The following PRKCZ variants were observed in gnomAD, a reference collection of about 807,000 sequenced individuals.
The protein encoded by PRKCZ is protein kinase C zeta.
PRKCZ carries 33 observed loss-of-function variants against 79.5 expected under a neutral mutation model. The observed-to-expected ratio is 0.41, with a 90% CI of 0.31 to 0.55. PRKCZ has a LOEUF of 0.55. Among genes scored for constraint, PRKCZ ranks in the 20% least tolerant of loss-of-function variants. The probability of loss-of-function intolerance (pLI) is 0.19; values close to 1 mark genes in which losing one functional copy is unlikely to be tolerated. For synonymous variants in PRKCZ, 342 were observed against 320.9 expected (o/e 1.07, Z -0.70); for missense variants, 578 against 813.5 (o/e 0.71, Z 3.52).
At chr1:2,176,422 G>A (rs146920717) in intron 16 of PRKCZ, among the ~76,000 whole-genome samples, 106 of 152,262 alleles carry the variant, frequency 7.0e-4, no homozygotes, top group African/African-American at 2.4e-3. Flanking sequence ...TGTGGGAAGC[G>A]CAGTCTCCAC....
At chr1:2,062,527 T>C (rs1660782564) in intron 4 of PRKCZ, among the ~76,000 whole-genome samples, 1 of 151,550 alleles carries the variant, frequency 6.6e-6, no homozygotes, top group Non-Finnish European at 1.5e-5. Context: ...AGTTTTGTTC[T>C]GTCACCCAGG....
intron 15 of PRKCZ, 98 bp from the exon 16 acceptor site, chr1:2,175,126 G>A (rs1275142824): frequency 9.6e-7 from 1 of 1,037,706 alleles, no homozygotes. Flanking sequence ...GAGCATCGGG[G>A]GAGGGCTTGT....
intron 4 of PRKCZ, among the ~76,000 whole-genome samples, chr1:2,095,251 C>T (rs527809802): frequency 3.9e-5 from 6 of 152,312 alleles, no homozygotes; most frequent in South Asian, 2.1e-4. Flanking sequence ...CTGAGGTTCC[C>T]TCTGTAGGGG....
At chr1:2,073,299 C>T (rs768386414) in intron 4 of PRKCZ, among the ~76,000 whole-genome samples, 4 of 152,190 alleles carry the variant, frequency 2.6e-5, no homozygotes, top group Non-Finnish European at 5.9e-5. Flanking sequence ...TGGACACAAC[C>T]ACATCGCAAG....
chr1:2,109,318 G>A (rs1285816085), intron 4 of PRKCZ, among the ~76,000 whole-genome samples: 9 of 152,306 alleles, frequency 5.9e-5, no homozygotes, highest in African/African-American at 9.6e-5. Context: ...AGGCACTGCC[G>A]GACGCGCAGG....
At chr1:2,073,881 C>T (rs956735569) in intron 4 of PRKCZ, 175 of 1,169,350 alleles carry the variant, frequency 1.5e-4, no homozygotes, top group Middle Eastern at 7.5e-4. Flanking sequence ...ACGCCCGCCG[C>T]GCACAGAGCA....
intron 5 of PRKCZ, among the ~76,000 whole-genome samples, chr1:2,136,462 G>A (rs1441544262): frequency 6.6e-6 from 1 of 152,170 alleles, no homozygotes; most frequent in African/African-American, 2.4e-5. Flanking sequence ...GGAGGAGGAG[G>A]CATCTGATCA....
At position 2,149,219 on chromosome 1, in the gene PRKCZ, G is replaced by A. The variant is rs1220499667; in HGVS notation, c.687+295G>A. ...CATTCAGGTGGTACAGTGGCCCAGG[G>A]GCTGGCTTTTGAGCTGCAATTTTTA... On this transcript the variant is annotated intron_variant, in intron 8 of 17. Coordinates refer to ENST00000378567, the MANE Select transcript of PRKCZ (RefSeq NM_002744.6). The surrounding 1 kb of genome is among the most constrained non-coding windows in gnomAD (Gnocchi z 4.1). Among the ~76,000 whole-genome samples, 2 of 152,212 alleles carry A rather than the reference G, an allele frequency of 1.3e-5. No individual in the cohort carries two copies. Among genetic ancestry groups the A allele is most frequent in the Non-Finnish European group, 2.9e-5 (2 of 68,032 alleles).
intron 9 of PRKCZ, among the ~76,000 whole-genome samples, chr1:2,155,594 TGGTGATGATGACAGTGAC>T (rs975743698): frequency 1.4e-5 from 2 of 141,214 alleles, no homozygotes; most frequent in African/African-American, 2.5e-5. Flanking sequence ...ATGACGGTGG[TGGTGATGATGACAGTGAC>T]GGTGATGATG....
At chr1:2,151,999 C>T (rs1196300566) in intron 9 of PRKCZ, among the ~76,000 whole-genome samples, 16 of 152,132 alleles carry the variant, frequency 1.1e-4, no homozygotes. Context: ...TACAGGCATG[C>T]ACCACCATGC....
chr1:2,171,160 A>G (rs1417039492), intron 11 of PRKCZ, among the ~76,000 whole-genome samples: 1 of 151,880 alleles, frequency 6.6e-6, no homozygotes, highest in African/African-American at 2.4e-5. Context: ...GAAATAACAC[A>G]GTGAAACCCT....
intron 4 of PRKCZ, among the ~76,000 whole-genome samples, chr1:2,112,642 C>G (rs562129695): frequency 1.2e-3 from 183 of 152,046 alleles, no homozygotes; most frequent in Middle Eastern, 6.9e-3. Flanking sequence ...GTCCTTGAAA[C>G]TTGCTGGAGT....
rs1557726324 is a variant in PRKCZ, at chr1:2,168,727, C to T, written c.975-791C>T. On this transcript the variant is annotated intron_variant, in intron 10 of 17. Coordinates refer to ENST00000378567, the MANE Select transcript of PRKCZ (RefSeq NM_002744.6). This position sits in a 1 kb window ranked among gnomAD's most constrained non-coding sequence, Gnocchi z 4.7. ...ACGCTTCCCTCCTTCACTCCCCGCTCCACGAGGGGCAGCCAGGAGCAGCCA... is the reference window on the plus strand; with the variant it reads ...ACGCTTCCCTCCTTCACTCCCCGCTTCACGAGGGGCAGCCAGGAGCAGCCA... 5.6e-6 allele frequency: 1 copy of T among 179,312 alleles called. No individual in the cohort carries two copies. The highest frequency in any genetic ancestry group is 1.2e-5 in the Non-Finnish European group (1 of 83,710). The allele number at this position is 179,312 out of a possible 1,614,324, so 11.1% of individuals were successfully genotyped here. A position where few individuals can be genotyped will look rare whatever the true frequency, so the allele number is the denominator to read the frequency against.
At position 2,050,437 on chromosome 1, in the gene PRKCZ, C is replaced by T. The variant is rs1490947906; in HGVS notation, c.-194C>T. 9 of 197,278 alleles carry T rather than the reference C, an allele frequency of 4.6e-5. No homozygotes were observed. The highest frequency in any genetic ancestry group is 1.2e-4 in the Admixed American group (2 of 16,582). 12.2% of individuals were successfully genotyped at this position (197,278 alleles called of 1,614,324 possible). A position where few individuals can be genotyped will look rare whatever the true frequency, so the allele number is the denominator to read the frequency against. ...TTCGGACACCGCCCCCCGCCCCCGC[C>T]GGACGGTCCCGCCCCGCGCGCCCCC... On this transcript the variant is annotated 5_prime_UTR_variant, in exon 1 of 18. Transcript: ENST00000378567.
At chr1:2,067,730 G>T (rs1256008832) in intron 4 of PRKCZ, among the ~76,000 whole-genome samples, 1 of 152,216 alleles carries the variant, frequency 6.6e-6, no homozygotes, top group Non-Finnish European at 1.5e-5. Context: ...TGCCGGGTGA[G>T]GCCAGTGTGT....
At chr1:2,089,742 G>A (rs981339435) in intron 4 of PRKCZ, among the ~76,000 whole-genome samples, 4 of 152,230 alleles carry the variant, frequency 2.6e-5, no homozygotes, top group South Asian at 2.1e-4. Flanking sequence ...TGCTGGGGCC[G>A]CTGTAGCAAC....
rs1057355842 is a variant in PRKCZ at position 2,149,458 on chromosome 1, C to T, written c.687+534C>T. Among the ~76,000 whole-genome samples the T allele has an allele frequency of 6.6e-6, 1 of 152,204 alleles. No homozygotes were observed. Among genetic ancestry groups the T allele is most frequent in the African/African-American group, 2.4e-5 (1 of 41,448 alleles). On this transcript the variant is annotated intron_variant, in intron 8 of 17. Coordinates refer to ENST00000378567, the MANE Select transcript of PRKCZ (RefSeq NM_002744.6). This position sits in a 1 kb window ranked among gnomAD's most constrained non-coding sequence, Gnocchi z 4.1. ...TCTGCTCGTAAAACCCAGGGAAGGA[C>T]TGCACTAGCGAAGCCCACTCCTTTC...
intron 4 of PRKCZ, among the ~76,000 whole-genome samples, chr1:2,063,716 A>G (rs1428196053): frequency 6.6e-6 from 1 of 152,006 alleles, no homozygotes; most frequent in African/African-American, 2.4e-5. Context: ...CATCCTTTCC[A>G]GCTCTTGTCG....
chr1:2,153,965 A>G (rs1680417469), intron 9 of PRKCZ, among the ~76,000 whole-genome samples: 1 of 152,088 alleles, frequency 6.6e-6, no homozygotes, highest in African/African-American at 2.4e-5. Flanking sequence ...GCCCCTTCCC[A>G]CCGATTCTGC....
Sources: gnomAD v4.1 joint callset for allele counts (sites outside exome capture counted in the v4.1 genomes callset) on GRCh38, gnomAD v4.1.1 for gene constraint, Gnocchi (gnomAD v3.1) non-coding constraint, MANE v1.5 for transcripts, NCBI Gene and HGNC (gene_info 2026-07-23, HGNC 2026-07-21) for gene names.